The following EPB41L2 variants were observed in gnomAD, a reference collection of about 807,000 sequenced individuals.
The protein encoded by EPB41L2 is band 4.1-like protein 2.
In EPB41L2, 43 loss-of-function variants were observed where a neutral mutation model predicts 113.0. The observed-to-expected ratio is 0.38, with a 90% CI of 0.30 to 0.49. The LOEUF (loss-of-function observed/expected upper bound fraction) is 0.49, where lower values mean the gene tolerates loss of function less well. Among genes scored for constraint, EPB41L2 ranks in the 20% least tolerant of loss-of-function variants. The pLI is 0.95. For missense variants in EPB41L2, 1,147 were observed against 1,223.4 expected (o/e 0.94, Z 0.93); for synonymous variants, 442 against 436.7 (o/e 1.01, Z -0.15).
Position 130,956,112 on chromosome 6 carries a change from G to A in EPB41L2, c.374C>T (p.Ala125Val). 2 of 1,613,950 alleles carry A rather than the reference G, an allele frequency of 1.2e-6. No individual in the cohort carries two copies. Among genetic ancestry groups the A allele is most frequent in the Non-Finnish European group, 1.7e-6 (2 of 1,180,008 alleles). The change falls in exon 2 of 20, where the codon GCT becomes GTT. Residue 125 changes from alanine to valine, a missense_variant. Coordinates refer to ENST00000337057, the MANE Select transcript of EPB41L2 (RefSeq NM_001431.4). ...EEPLPEEQRQ[A>V]KGDAEEMAQK... ...AGCCATTTCTTCAGCATCACCCTTA[G>A]CCTGTCTCTGTTCTTCTGGAAGGGG...
At chr6:130,863,560 G>T in intron 18 of EPB41L2, 78 bp downstream of exon 18, 1 of 1,009,402 alleles carries the variant, frequency 9.9e-7, no homozygotes, top group Non-Finnish European at 1.6e-6. Flanking sequence ...GGTTTACACA[G>T]GTATGCGACA....
chr6:130,984,113 A>G (rs986868844), intron 1 of EPB41L2, among the ~76,000 whole-genome samples: 1 of 152,190 alleles, frequency 6.6e-6, no homozygotes, highest in African/African-American at 2.4e-5. Context: ...ACAGGGTCAG[A>G]ATCATCACTA....
chr6:131,062,744 AC>A (rs1212625371), intron 1 of EPB41L2, among the ~76,000 whole-genome samples: 1 of 151,634 alleles, frequency 6.6e-6, no homozygotes, highest in African/African-American at 2.4e-5. Flanking sequence ...CGGGGCCCGG[AC>A]GCGTGACCTG....
chr6:131,054,364 G>A (rs957530691), intron 1 of EPB41L2, among the ~76,000 whole-genome samples: 4 of 152,174 alleles, frequency 2.6e-5, no homozygotes, highest in Non-Finnish European at 5.9e-5. Context: ...GTTTCTGCTA[G>A]CTTCTGCTGG....
In EPB41L2 at chr6:130,935,930, T is replaced by C. The variant is rs181349486; in HGVS notation, c.706-9221A>G. ...CCAAAGCCAACCTCTGGAATGAAGA[T>C]GCAGAAAACCTCAAAAAAGCCCCCA... On this transcript the variant is annotated intron_variant, in intron 3 of 19. Coordinates refer to ENST00000337057, the MANE Select transcript of EPB41L2 (RefSeq NM_001431.4). Among the ~76,000 whole-genome samples, 283 of 152,302 alleles carry C rather than the reference T, an allele frequency of 1.9e-3. 1 individual carries two copies. Among genetic ancestry groups the C allele is most frequent in the Admixed American group, 4.7e-3 (72 of 15,294 alleles).
intron 1 of EPB41L2, among the ~76,000 whole-genome samples, chr6:131,010,979 C>A (rs951490928): frequency 1.3e-5 from 2 of 152,184 alleles, no homozygotes; most frequent in African/African-American, 4.8e-5. Context: ...TACTCAAGAG[C>A]CTCCTCAGCA....
At position 130,956,435 on chromosome 6, in the gene EPB41L2, C is replaced by A. The variant is rs2297852; in HGVS notation, c.51G>T (p.Gln17His). 2.5e-4 allele frequency: 407 copies of A among 1,614,072 alleles called. 3 individuals carry two copies. In the East Asian group the frequency reaches 8.6e-3, roughly 34 times the overall value. The change falls in exon 2 of 20, where the codon CAG becomes CAT. Residue 17 changes from glutamine (Q) to histidine (H), a missense_variant. Transcript: ENST00000337057. ...TTTCCTTGGTTGCATCTGTTCCTAACTGGCTAGAGTCCTTCTTCACTTCAG... is the reference window on the plus strand; with the variant it reads ...TTTCCTTGGTTGCATCTGTTCCTAAATGGCTAGAGTCCTTCTTCACTTCAG... ...SVSEVKKDSSQLGTDATKEKP... is the reference protein window; with the variant it reads ...SVSEVKKDSSHLGTDATKEKP...
intron 4 of EPB41L2, among the ~76,000 whole-genome samples, chr6:130,912,854 T>C (rs72983707): frequency 2.7e-4 from 41 of 151,534 alleles, no homozygotes; most frequent in Non-Finnish European, 4.4e-4. Flanking sequence ...GGAACAACCA[T>C]AGCAAGAAAA....
At chr6:130,970,732 T>C (rs921411896) in intron 1 of EPB41L2, among the ~76,000 whole-genome samples, 4 of 152,196 alleles carry the variant, frequency 2.6e-5, no homozygotes, top group Non-Finnish European at 4.4e-5. Context: ...CAAAAGTATA[T>C]GTACACAACA....
intron 11 of EPB41L2, among the ~76,000 whole-genome samples, chr6:130,888,226 G>A (rs1282946728): frequency 6.6e-6 from 1 of 152,108 alleles, no homozygotes; most frequent in East Asian, 1.9e-4. Flanking sequence ...GAGAATATAA[G>A]CCCTAATCAA....
At chr6:130,937,825 A>G (rs557556258) in intron 3 of EPB41L2, among the ~76,000 whole-genome samples, 3 of 151,700 alleles carry the variant, frequency 2.0e-5, no homozygotes, top group Non-Finnish European at 2.9e-5. Flanking sequence ...CAAAAAGAAA[A>G]AAAAAAAAAA....
chr6:131,024,888 C>T (rs1336269778), intron 1 of EPB41L2, among the ~76,000 whole-genome samples: 1 of 152,174 alleles, frequency 6.6e-6, no homozygotes, highest in Non-Finnish European at 1.5e-5. Context: ...CTCTTTAATA[C>T]ACTTTTATTT....
intron 3 of EPB41L2, among the ~76,000 whole-genome samples, chr6:130,939,909 T>C (rs1446146262): frequency 6.6e-6 from 1 of 152,216 alleles, no homozygotes; most frequent in African/African-American, 2.4e-5. Flanking sequence ...CAATTAAAGA[T>C]GGTAGAATGA....
chr6:130,912,457 C>T (rs773656817), intron 4 of EPB41L2, among the ~76,000 whole-genome samples: 4 of 152,158 alleles, frequency 2.6e-5, no homozygotes, highest in South Asian at 4.1e-4. Context: ...GGCCCGCACT[C>T]GGGGTAGCAA....
chr6:130,991,640 T>C (rs1176856573), intron 1 of EPB41L2, among the ~76,000 whole-genome samples: 2 of 152,218 alleles, frequency 1.3e-5, no homozygotes. Context: ...ACCGTTCAGC[T>C]CTGTTGGACT....
chr6:131,048,497 C>G (rs919636088), intron 1 of EPB41L2, among the ~76,000 whole-genome samples: 6 of 152,150 alleles, frequency 3.9e-5, no homozygotes, highest in African/African-American at 1.4e-4. Context: ...TCCACAAAAT[C>G]CGTAATAAAT....
intron 1 of EPB41L2, among the ~76,000 whole-genome samples, chr6:131,012,457 G>T (rs1157252540): frequency 1.4e-5 from 2 of 145,336 alleles, no homozygotes; most frequent in African/African-American, 5.2e-5. Flanking sequence ...AATAAAAAAT[G>T]TCCCCTACGG....
chr6:130,894,400 G>T lies in EPB41L2; in HGVS notation c.1431C>A (p.Asn477Lys), dbSNP rs774039881. The T allele has an allele frequency of 1.2e-6, 2 of 1,613,902 alleles. No homozygotes were observed. Among genetic ancestry groups the T allele is most frequent in the Admixed American group, 3.3e-5 (2 of 60,014 alleles). Residue 477 changes from asparagine to lysine, a missense_variant, in exon 10 of 20, where the codon AAC (asparagine) becomes AAA (lysine). Physicochemically the swap from Asn to Lys is moderately conservative, Grantham distance 94. Coordinates refer to ENST00000337057, the MANE Select transcript of EPB41L2 (RefSeq NM_001431.4). The part of the protein sequence containing the change: ...FESTIGFKLP[N>K]HRAAKRLWKV... ...TCCATAGTCTTTTCGCTGCCCGGTG[G>T]TTTGGCAGTTTGAATCCAATGGTAC...
At chr6:130,927,168 T>C (rs1401087577) in intron 3 of EPB41L2, among the ~76,000 whole-genome samples, 5 of 152,206 alleles carry the variant, frequency 3.3e-5, no homozygotes, top group African/African-American at 1.2e-4. Flanking sequence ...TGTTCCATGA[T>C]ATCTGTAGAA....
Sources: gnomAD v4.1 joint callset for allele counts (sites outside exome capture counted in the v4.1 genomes callset) on GRCh38, gnomAD v4.1.1 for gene constraint, MANE v1.5 for transcripts, NCBI Gene and HGNC (gene_info 2026-07-23, HGNC 2026-07-21) for gene names.